Variants in CENPT observed in about 807,000 individuals in gnomAD.
CENPT encodes the protein interphase centromere complex protein 22.
CENPT carries 42 observed loss-of-function variants against 59.7 expected under a neutral mutation model. The observed-to-expected ratio is 0.70, with a 90% CI of 0.55 to 0.91. The LOEUF is 0.91. Among genes scored for constraint, CENPT ranks in the 40% least tolerant of loss-of-function variants. The pLI, the probability that CENPT is intolerant of heterozygous loss-of-function variation, is 0.00. For missense variants in CENPT, 716 were observed against 713.4 expected, an observed-to-expected ratio of 1.00 and a Z score of -0.04; for synonymous variants, 295 against 289.6, an observed-to-expected ratio of 1.02 and a Z score of -0.19.
chr16:67,828,454 C>G lies in CENPT; in HGVS notation c.1562+20G>C. The G allele has an allele frequency of 6.2e-7, 1 of 1,614,196 alleles. No individual in the cohort carries two copies. Among genetic ancestry groups the G allele is most frequent in the Non-Finnish European group, 8.5e-7 (1 of 1,180,010 alleles). Reference sequence around the variant, plus strand: ...CCAAAACTCCCCCAGCCAGCACCCCCACACCTTCCGCCTTCTCACCGCCGC... The same window carrying G: ...CCAAAACTCCCCCAGCCAGCACCCCGACACCTTCCGCCTTCTCACCGCCGC... On this transcript the variant is annotated intron_variant, in intron 15 of 15. Coordinates refer to ENST00000562787, the MANE Select transcript of CENPT (RefSeq NM_025082.4).
At chr16:67,829,325 T>A in intron 13 of CENPT, 98 bp downstream of exon 13, 1 of 951,106 alleles carries the variant, frequency 1.1e-6, no homozygotes, top group Non-Finnish European at 1.5e-6. Flanking sequence ...TGGGTAATCA[T>A]CTGCATACCC....
Position 67,829,576 on chromosome 16 carries a change from G to C in CENPT, c.1187-60C>G, listed in dbSNP as rs2057660751. The C allele has an allele frequency of 1.1e-5, 16 of 1,471,302 alleles. No homozygotes were observed. In the South Asian group the frequency reaches 1.6e-4, roughly 15 times the overall value. The allele number at this position is 1,471,302 out of a possible 1,614,324, so 91.1% of individuals were successfully genotyped here. A position where few individuals can be genotyped will look rare whatever the true frequency, so the allele number is the denominator to read the frequency against. Reference sequence around the variant, plus strand: ...AGGCCTGACCATCTCACCCAGGCCAGCACAGCCACAGTATTTCTGTCCTGT... The same window carrying C: ...AGGCCTGACCATCTCACCCAGGCCACCACAGCCACAGTATTTCTGTCCTGT... On this transcript the variant is annotated intron_variant, in intron 12 of 15. Transcript: ENST00000562787.
At chr16:67,835,833 T>G (rs371660201) in intron 1 of CENPT, among the ~76,000 whole-genome samples, 175 bp from the exon 2 acceptor site, 55 of 152,266 alleles carry the variant, frequency 3.6e-4, no homozygotes, top group Middle Eastern at 3.4e-3. Context: ...ATGCAGTTTT[T>G]TTTTTGTTTT....
intron 1 of CENPT, among the ~76,000 whole-genome samples, chr16:67,838,676 C>T (rs987962291): frequency 1.3e-5 from 2 of 151,580 alleles, no homozygotes; most frequent in South Asian, 2.1e-4. Flanking sequence ...ACCTGTAATT[C>T]CAGCACTTTG....
In CENPT at chr16:67,831,252, AAAAG is replaced by A; in HGVS notation, c.663_666del (p.Phe222CysfsTer89). On this transcript the variant is annotated frameshift_variant, in exon 10 of 16. Transcript: ENST00000562787. LOFTEE classifies it high-confidence loss of function. ...AGGGAAGTATCTCGCAGATCCCGCA[AAAAG>A]GCACCCACGTCTACAGCTCGGCGGG... is the stretch of plus-strand genomic sequence containing the variant. 1 of 1,614,148 alleles carries A rather than the reference AAAAG, an allele frequency of 6.2e-7. No individual in the cohort carries two copies. The highest frequency in any genetic ancestry group is 8.5e-7 in the Non-Finnish European group (1 of 1,180,012).
In CENPT at chr16:67,843,031, C is replaced by A. The variant is rs781483366; in HGVS notation, c.-492+4370G>T. 1.2e-6 allele frequency: 2 copies of A among 1,612,470 alleles called. No individual in the cohort carries two copies. Among genetic ancestry groups the A allele is most frequent in the African/African-American group, 2.7e-5 (2 of 74,950 alleles). ...CTGCTTCCGCGGCCGTGCTTCTCAC[C>A]CTTCAGGCCACTGTAGACAGCAGTC... On this transcript the variant is annotated intron_variant, in intron 1 of 15. Coordinates refer to ENST00000562787, the MANE Select transcript of CENPT (RefSeq NM_025082.4). This position sits in a 1 kb window ranked among gnomAD's most constrained non-coding sequence, Gnocchi z 5.7.
At chr16:67,838,051 G>A (rs1490131331) in intron 1 of CENPT, among the ~76,000 whole-genome samples, 1 of 152,218 alleles carries the variant, frequency 6.6e-6, no homozygotes, top group Non-Finnish European at 1.5e-5. Flanking sequence ...TTCTCCAGGG[G>A]TGATTAAGAC....
Position 67,829,419 on chromosome 16 carries a change from T to G in CENPT, c.1280+4A>C. ...CCATGAGGAATGGGGTTGTGGGATCTTACACTGCAGCACCAGGCGCTGGGG... is the reference window on the plus strand; with the variant it reads ...CCATGAGGAATGGGGTTGTGGGATCGTACACTGCAGCACCAGGCGCTGGGG... On this transcript the variant is annotated splice_donor_region_variant and intron_variant, in intron 13 of 15. Transcript: ENST00000562787. The G allele has an allele frequency of 6.3e-7, 1 of 1,588,642 alleles. No individual in the cohort carries two copies. The highest frequency in any genetic ancestry group is 8.5e-7 in the Non-Finnish European group (1 of 1,172,172).
chr16:67,831,918 G>T, intron 7 of CENPT, 28 bp from the exon 8 acceptor site: 1 of 1,602,850 alleles, frequency 6.2e-7, no homozygotes, highest in Non-Finnish European at 8.5e-7. Flanking sequence ...ATCTCAGACA[G>T]GCCAGGAAGT....
chr16:67,834,663 G>A lies in CENPT; in HGVS notation c.-242+509C>T, dbSNP rs2057723844. ...ATCTGCTTTGCAAATCTGTCTATAG[G>A]GCCTATCTCTATCAGAAGAGACCAG... On this transcript the variant is annotated intron_variant, in intron 3 of 15. Transcript: ENST00000562787. Among the ~76,000 whole-genome samples the A allele has an allele frequency of 2.0e-5, 3 of 151,954 alleles. 1 individual carries two copies. In the South Asian group the frequency reaches 6.3e-4, roughly 32 times the overall value.
At position 67,842,866 on chromosome 16, in the gene CENPT, G is replaced by GCAGCAGCAACAGCAGCAGCAGCAA. The variant is rs2057771877; in HGVS notation, c.-492+4534_-492+4535insTTGCTGCTGCTGCTGTTGCTGCTG. 1 of 1,606,376 alleles carries GCAGCAGCAACAGCAGCAGCAGCAA rather than the reference G, an allele frequency of 6.2e-7. No homozygotes were observed. The highest frequency in any genetic ancestry group is 1.1e-5 in the South Asian group (1 of 90,578). ...GGGCCGCGGCCGCCCGCCGCAGGCAGCAGCAGCAACAGCAGCAGCAGCAGC... is the reference window on the plus strand; with the variant it reads ...GGGCCGCGGCCGCCCGCCGCAGGCAGCAGCAGCAACAGCAGCAGCAGCAACAGCAGCAACAGCAGCAGCAGCAGC... On this transcript the variant is annotated intron_variant, in intron 1 of 15. Coordinates refer to ENST00000562787, the MANE Select transcript of CENPT (RefSeq NM_025082.4). This position sits in a 1 kb window ranked among gnomAD's most constrained non-coding sequence, Gnocchi z 4.9.
chr16:67,837,782 G>A (rs892206026), intron 1 of CENPT, among the ~76,000 whole-genome samples: 3 of 152,118 alleles, frequency 2.0e-5, no homozygotes, highest in African/African-American at 7.2e-5. Flanking sequence ...ATAATTAAAC[G>A]TTATAATTAC....
Position 67,843,164 on chromosome 16 carries a change from G to A in CENPT, c.-492+4237C>T. On this transcript the variant is annotated intron_variant, in intron 1 of 15. Transcript: ENST00000562787. This position sits in a 1 kb window ranked among gnomAD's most constrained non-coding sequence, Gnocchi z 5.7. ...GTTTGCAGCCGCAGAGGGCGCAGCC[G>A]CTGCGGCCGCCGCGTCGGAGTTACA... The A allele has an allele frequency of 7.5e-6, 12 of 1,609,452 alleles. No homozygotes were observed. Among genetic ancestry groups the A allele is most frequent in the Non-Finnish European group, 1.0e-5 (12 of 1,179,418 alleles).
chr16:67,846,858 G>A (rs959780259), intron 1 of CENPT: 1 of 152,286 alleles, frequency 6.6e-6, no homozygotes, highest in Non-Finnish European at 1.5e-5. Context: ...GCCGGAAAGG[G>A]GGGGCGGTGG....
rs750087010 is a variant in CENPT at position 67,843,392 on chromosome 16, G to A, written c.-492+4009C>T. On this transcript the variant is annotated intron_variant, in intron 1 of 15. Transcript: ENST00000562787. This position sits in a 1 kb window ranked among gnomAD's most constrained non-coding sequence, Gnocchi z 5.7. The stretch of plus-strand genomic sequence containing the variant: ...GGAAGTGAAGATGAAAGAGATGAAA[G>A]GCAGCATTCGCCACCTGCGTCTCAC... 9.3e-6 allele frequency: 15 copies of A among 1,613,914 alleles called. No homozygotes were observed. In the African/African-American group the frequency reaches 1.9e-4, roughly 20 times the overall value.
chr16:67,841,811 CCTTCGGGGCGCCG>C, intron 1 of CENPT: 1 of 152,246 alleles, frequency 6.6e-6, no homozygotes, highest in East Asian at 1.9e-4. Flanking sequence ...CTCCTGAGAC[CCTTCGGGGCGCCG>C]AGGCCCAGGT....
chr16:67,828,681 C>T lies in CENPT; in HGVS notation c.1443G>A (p.Glu481=). Reference sequence around the variant, plus strand: ...CCAGGACTCACCACTTCTCCACCATCTCAAGAGCCTTCCTCTCCATGGGCA... The same window carrying T: ...CCAGGACTCACCACTTCTCCACCATTTCAAGAGCCTTCCTCTCCATGGGCA... ...AKMPMERKAL[E]MVEKCLDKYF... is the part of the protein sequence containing the mutation. Residue 481 remains glutamate, a synonymous_variant, in exon 14 of 16, where the codon GAG becomes GAA. Transcript: ENST00000562787. 1 of 1,614,230 alleles carries T rather than the reference C, an allele frequency of 6.2e-7. No individual in the cohort carries two copies. The highest frequency in any genetic ancestry group is 8.5e-7 in the Non-Finnish European group (1 of 1,180,044).
Position 67,832,458 on chromosome 16 carries a change from G to A in CENPT, c.198C>T (p.Ala66=). 6.2e-7 allele frequency: 1 copy of A among 1,614,176 alleles called. No homozygotes were observed. The highest frequency in any genetic ancestry group is 8.5e-7 in the Non-Finnish European group (1 of 1,179,998). The part of the protein sequence containing the change: ...RTIARGRSHG[A]RSVGRSAHIQ... The stretch of plus-strand genomic sequence containing the variant: ...GGTCAGTGGGCTGGGTACTTACCCT[G>A]GCTCCATGGGAACGCCCTCTGGCTA... Residue 66 remains alanine, a synonymous_variant, in exon 5 of 16, where the codon GCC becomes GCT. Coordinates refer to ENST00000562787, the MANE Select transcript of CENPT (RefSeq NM_025082.4).
At chr16:67,830,336 T>C in intron 11 of CENPT, 54 bp downstream of exon 11, 1 of 1,566,684 alleles carries the variant, frequency 6.4e-7, no homozygotes, top group Non-Finnish European at 8.6e-7. Context: ...ACTACCATTG[T>C]CAACTCTCAC....
Sources: gnomAD v4.1 joint callset for allele counts (sites outside exome capture counted in the v4.1 genomes callset) on GRCh38, gnomAD v4.1.1 for gene constraint, Gnocchi (gnomAD v3.1) non-coding constraint, MANE v1.5 for transcripts, NCBI Gene and HGNC (gene_info 2026-07-23, HGNC 2026-07-21) for gene names.